FHIT: variants seen among roughly 807,000 people sequenced by gnomAD.
FHIT encodes the protein bis(5'-adenosyl)-triphosphatase.
FHIT carries 19 observed loss-of-function variants against 17.9 expected under a neutral mutation model. The observed-to-expected ratio is 1.06, with a 90% confidence interval of 0.74 to 1.56. The LOEUF (loss-of-function observed/expected upper bound fraction) is 1.56. Ranked by LOEUF, FHIT falls within the 40% of genes most tolerant of loss-of-function variation. The pLI, the probability that FHIT is intolerant of heterozygous loss-of-function variation, is 0.00. For missense variants in FHIT, 248 were observed against 189.2 expected, an observed-to-expected ratio of 1.31 and a Z score of -1.82; for synonymous variants, 81 against 69.7, an observed-to-expected ratio of 1.16 and a Z score of -0.81.
At chr3:60,479,131 C>G (rs949858468) in intron 5 of FHIT, among the ~76,000 whole-genome samples, 4 of 152,132 alleles carry the variant, frequency 2.6e-5, no homozygotes, top group African/African-American at 9.7e-5. Flanking sequence ...TTCAGACGTG[C>G]CTTTCTCTGC....
At chr3:60,147,645 G>A (rs1700296789) in intron 5 of FHIT, among the ~76,000 whole-genome samples, 1 of 152,144 alleles carries the variant, frequency 6.6e-6, no homozygotes, top group Non-Finnish European at 1.5e-5. Context: ...TAACAAAAGA[G>A]TAAGTAAAGA....
chr3:60,025,471 G>A (rs559167916), intron 5 of FHIT, among the ~76,000 whole-genome samples: 3 of 152,008 alleles, frequency 2.0e-5, no homozygotes, highest in Non-Finnish European at 4.4e-5. Context: ...AATATACCCA[G>A]TACTAAAGAG....
At chr3:60,539,070 A>G (rs2036089308) in intron 4 of FHIT, among the ~76,000 whole-genome samples, 1 of 152,224 alleles carries the variant, frequency 6.6e-6, no homozygotes, top group Admixed American at 6.5e-5. Context: ...TCCAGAATCT[A>G]CAAAGAACTC....
chr3:60,041,721 C>T (rs539416610), intron 5 of FHIT, among the ~76,000 whole-genome samples: 1 of 152,322 alleles, frequency 6.6e-6, no homozygotes, highest in African/African-American at 2.4e-5. Context: ...ACAAAAGAAA[C>T]TTGGATTTCT....
chr3:61,174,382 T>C (rs924754246), intron 2 of FHIT, among the ~76,000 whole-genome samples: 1 of 152,224 alleles, frequency 6.6e-6, no homozygotes, highest in Non-Finnish European at 1.5e-5. Flanking sequence ...ATTACAGATA[T>C]AATTTATGTG....
intron 8 of FHIT, among the ~76,000 whole-genome samples, chr3:59,868,145 A>C (rs1702745918): frequency 6.6e-6 from 1 of 151,864 alleles, no homozygotes; most frequent in African/African-American, 2.4e-5. Context: ...TTAAAAAATG[A>C]AATTTTCTCA....
intron 4 of FHIT, among the ~76,000 whole-genome samples, chr3:60,645,920 G>A (rs2039845805): frequency 6.6e-6 from 1 of 152,196 alleles, no homozygotes; most frequent in Non-Finnish European, 1.5e-5. Flanking sequence ...TATGTTCCCA[G>A]ATTCAAATAA....
intron 4 of FHIT, among the ~76,000 whole-genome samples, chr3:60,640,535 T>C (rs578232077): frequency 1.2e-4 from 18 of 152,310 alleles, no homozygotes; most frequent in African/African-American, 2.9e-4. Context: ...TTTGAAAATA[T>C]TTATTGAGCT....
intron 5 of FHIT, among the ~76,000 whole-genome samples, chr3:60,388,925 T>A (rs184081724): frequency 6.6e-6 from 1 of 152,208 alleles, no homozygotes; most frequent in East Asian, 1.9e-4. Flanking sequence ...TACTCAGACA[T>A]CCATTCCTAG....
intron 8 of FHIT, among the ~76,000 whole-genome samples, chr3:59,800,796 G>T (rs1288824270): frequency 6.6e-6 from 1 of 152,116 alleles, no homozygotes; most frequent in Non-Finnish European, 1.5e-5. Context: ...GCATTGCAGT[G>T]GCTGAGTGTT....
chr3:60,930,892 C>G (rs1414623321), intron 3 of FHIT, among the ~76,000 whole-genome samples: 1 of 152,216 alleles, frequency 6.6e-6, no homozygotes, highest in African/African-American at 2.4e-5. Context: ...ATGAATCATG[C>G]TGCTATAAAG....
intron 1 of FHIT, among the ~76,000 whole-genome samples, chr3:61,229,167 G>C (rs2040039559): frequency 6.6e-6 from 1 of 152,064 alleles, no homozygotes; most frequent in Admixed American, 6.5e-5. Flanking sequence ...ATATAATTAA[G>C]AATCTTGAGA....
chr3:60,056,773 C>T (rs1008581141), intron 5 of FHIT, among the ~76,000 whole-genome samples: 11 of 152,176 alleles, frequency 7.2e-5, no homozygotes, highest in Non-Finnish European at 2.9e-5. Context: ...TGGGAAACAG[C>T]AAAAGCAGTT....
chr3:60,078,840 A>C (rs1445853719), intron 5 of FHIT, among the ~76,000 whole-genome samples: 1 of 152,156 alleles, frequency 6.6e-6, no homozygotes, highest in African/African-American at 2.4e-5. Context: ...AAGTAAGTAA[A>C]GTATTAATAT....
intron 2 of FHIT, among the ~76,000 whole-genome samples, chr3:61,068,648 A>G (rs2034696274): frequency 6.6e-6 from 1 of 152,072 alleles, no homozygotes; most frequent in Non-Finnish European, 1.5e-5. Flanking sequence ...ATTAGGGTGT[A>G]GATATCTTTG....
At chr3:59,976,689 G>T (rs1449328946) in intron 7 of FHIT, among the ~76,000 whole-genome samples, 1 of 151,998 alleles carries the variant, frequency 6.6e-6, no homozygotes, top group East Asian at 1.9e-4. Flanking sequence ...ATCGATATTT[G>T]CCTTAGCACT....
At chr3:60,374,932 C>A (rs1418774691) in intron 5 of FHIT, among the ~76,000 whole-genome samples, 1 of 151,810 alleles carries the variant, frequency 6.6e-6, no homozygotes, top group South Asian at 2.1e-4. Context: ...GAATAAGAAA[C>A]AGGCCAAGTT....
At chr3:60,262,626 A>C (rs1454438235) in intron 5 of FHIT, among the ~76,000 whole-genome samples, 1 of 151,878 alleles carries the variant, frequency 6.6e-6, no homozygotes. Flanking sequence ...CCTCTAGCCA[A>C]TTTCCCACTC....
chr3:60,191,915 C>T (rs761475105), intron 5 of FHIT, among the ~76,000 whole-genome samples: 9 of 151,582 alleles, frequency 5.9e-5, no homozygotes, highest in Non-Finnish European at 1.2e-4. Context: ...TAATACAAAC[C>T]AAACAGAAAA....
Sources: gnomAD v4.1 joint callset for allele counts (sites outside exome capture counted in the v4.1 genomes callset) on GRCh38, gnomAD v4.1.1 for gene constraint, MANE v1.5 for transcripts, NCBI Gene and HGNC (gene_info 2026-07-23, HGNC 2026-07-21) for gene names.